NFATC1: variants seen among roughly 807,000 people sequenced by gnomAD.
NFATC1 encodes the protein nuclear factor of activated T cells 1.
In NFATC1, 22 loss-of-function variants were observed where a neutral mutation model predicts 76.0. The observed-to-expected ratio is 0.29, with a 90% CI of 0.21 to 0.41. NFATC1 has a LOEUF of 0.41. Among genes scored for constraint, NFATC1 ranks in the 10% least tolerant of loss-of-function variants. The pLI is 1.00. For synonymous variants in NFATC1, 704 were observed against 613.1 expected, an observed-to-expected ratio of 1.15 and a Z score of -2.19; for missense variants, 1,357 against 1,337.7, an observed-to-expected ratio of 1.01 and a Z score of -0.23.
chr18:79,415,227 C>T (rs1355564603), intron 2 of NFATC1, among the ~76,000 whole-genome samples: 1 of 152,216 alleles, frequency 6.6e-6, no homozygotes, highest in Non-Finnish European at 1.5e-5. Flanking sequence ...GGTATTTTGA[C>T]TGAATTTATT....
intron 6 of NFATC1, among the ~76,000 whole-genome samples, chr18:79,459,638 G>C (rs925795967): frequency 3.9e-5 from 6 of 152,200 alleles, no homozygotes; most frequent in African/African-American, 1.4e-4. Context: ...AGCTTCCTGG[G>C]CTGGGCGGGA....
chr18:79,518,500 C>CGT (rs1235591470), intron 9 of NFATC1, among the ~76,000 whole-genome samples: 2 of 152,144 alleles, frequency 1.3e-5, no homozygotes, highest in African/African-American at 4.8e-5. Flanking sequence ...CCTGGCACCC[C>CGT]CCCTCTCGCT....
rs1337874052 is a variant in NFATC1 at position 79,396,279 on chromosome 18, G to A, written c.55G>A (p.Ala19Thr). Reference protein sequence around the residue: ...PSKFPLGPAAAVFGRGETLGP... With the variant: ...PSKFPLGPAATVFGRGETLGP... ...CAAGTTTCCACTTGGCCCTGCGGCT[G>A]CGGTCTTCGGGAGAGGAGAAACTTT... The change falls in exon 1 of 10, where the codon GCG (alanine) becomes ACG (threonine). Residue 19 changes from alanine (A) to threonine (T), a missense_variant. Physicochemically the swap from Ala to Thr is moderately conservative, Grantham distance 58. Transcript: ENST00000427363. 9 of 1,473,164 alleles carry A rather than the reference G, an allele frequency of 6.1e-6. No homozygotes were observed. Among genetic ancestry groups the A allele is most frequent in the Non-Finnish European group, 6.3e-6 (7 of 1,103,046 alleles). 91.3% of individuals were successfully genotyped at this position (1,473,164 alleles called of 1,614,324 possible).
chr18:79,485,803 C>G (rs568773285), intron 8 of NFATC1, among the ~76,000 whole-genome samples: 2 of 152,250 alleles, frequency 1.3e-5, no homozygotes, highest in African/African-American at 4.8e-5. Flanking sequence ...CAGTCGTTCA[C>G]CTTTGCAGTT....
intron 6 of NFATC1, among the ~76,000 whole-genome samples, chr18:79,455,036 A>G (rs969478976): frequency 2.6e-5 from 4 of 152,216 alleles, no homozygotes; most frequent in Admixed American, 2.6e-4. Flanking sequence ...CCCGCGTGAA[A>G]CGTGAGCTCG....
At chr18:79,467,877 C>T in intron 8 of NFATC1, 1 of 1,191,430 alleles carries the variant, frequency 8.4e-7, no homozygotes, top group South Asian at 2.2e-5. Context: ...CATGGCTCTT[C>T]TGCTCCAAAA....
In NFATC1 at chr18:79,488,504, T is replaced by C. The variant is rs542260884; in HGVS notation, c.2782+1567T>C. On this transcript the variant is annotated intron_variant, in intron 9 of 9. Transcript: ENST00000427363. ...CCACTCTCTGGAGGTTCATGATGAC[T>C]GTGGGGCGGGGCCAGGACAGTGTTC... Among the ~76,000 whole-genome samples, 4 of 152,282 alleles carry C rather than the reference T, an allele frequency of 2.6e-5. No homozygotes were observed. The South Asian group carries it at 8.3e-4, about 32-fold the overall frequency.
chr18:79,443,748 C>T (rs577015993), intron 3 of NFATC1, among the ~76,000 whole-genome samples: 1 of 152,234 alleles, frequency 6.6e-6, no homozygotes, highest in Non-Finnish European at 1.5e-5. Context: ...GGTCCTGTCC[C>T]CCTAGCCCTG....
At chr18:79,436,073 A>G (rs1195317666) in intron 3 of NFATC1, among the ~76,000 whole-genome samples, 4 of 152,208 alleles carry the variant, frequency 2.6e-5, no homozygotes. Flanking sequence ...ATAAAAATAG[A>G]ATTTGTGCAT....
chr18:79,427,948 G>C (rs1486309568), intron 2 of NFATC1, among the ~76,000 whole-genome samples: 2 of 139,968 alleles, frequency 1.4e-5, no homozygotes, highest in South Asian at 4.8e-4. Flanking sequence ...CTGGACAGCT[G>C]GCCTCTGTGC....
chr18:79,446,579 A>G (rs2087215285), intron 3 of NFATC1, among the ~76,000 whole-genome samples: 1 of 152,056 alleles, frequency 6.6e-6, no homozygotes, highest in Non-Finnish European at 1.5e-5. Flanking sequence ...GTATCTCGGG[A>G]AGTTCATTAA....
At chr18:79,487,055 C>T in intron 9 of NFATC1, 118 bp downstream of exon 9, 1 of 1,220,592 alleles carries the variant, frequency 8.2e-7, no homozygotes. Context: ...AGGCACCGGG[C>T]AGGGTGTGGG....
At position 79,410,512 on chromosome 18, in the gene NFATC1, C is replaced by T. The variant is rs149452763; in HGVS notation, c.237C>T (p.Ile79=). The T allele has an allele frequency of 6.5e-4, 1,044 of 1,611,986 alleles. 11 individuals carry two copies. In the African/African-American group the frequency reaches 0.011, roughly 17 times the overall value. The change falls in exon 2 of 10, where the codon ATC becomes ATT. Residue 79 remains isoleucine, a synonymous_variant. Transcript: ENST00000427363. The surrounding 1 kb of genome is among the most constrained non-coding windows in gnomAD (Gnocchi z 6.7). ...ACCTTCAGACCTCCACACCGGGCAT[C>T]ATCCCGCCGGCGGATCACCCCTCGG... ...CHNLQTSTPG[I]IPPADHPSGY...
At chr18:79,490,311 G>C (rs1468420957) in intron 9 of NFATC1, among the ~76,000 whole-genome samples, 2 of 152,020 alleles carry the variant, frequency 1.3e-5, no homozygotes, top group African/African-American at 4.8e-5. Flanking sequence ...GGTTAGGACA[G>C]GGTGGTCCCT....
intron 9 of NFATC1, among the ~76,000 whole-genome samples, chr18:79,515,059 T>C (rs946623387): frequency 2.0e-5 from 3 of 151,356 alleles, no homozygotes; most frequent in Non-Finnish European, 4.4e-5. Flanking sequence ...AAAAATAAAA[T>C]GCAGGCCAGG....
chr18:79,400,256 G>GGGGGGCGGGGC, intron 1 of NFATC1: 6 of 1,195,698 alleles, frequency 5.0e-6, no homozygotes, highest in Non-Finnish European at 6.2e-6. Context: ...GAAACGCCCC[G>GGGGGGCGGGGC]GGGGGCGGGG....
intron 3 of NFATC1, among the ~76,000 whole-genome samples, chr18:79,444,746 C>T (rs1490092971): frequency 7.2e-6 from 1 of 139,246 alleles, no homozygotes; most frequent in Non-Finnish European, 1.5e-5. Context: ...CACACGTGCC[C>T]GACCCCACAG....
intron 9 of NFATC1, among the ~76,000 whole-genome samples, chr18:79,490,288 A>G (rs1265659732): frequency 6.6e-6 from 1 of 151,030 alleles, no homozygotes; most frequent in Non-Finnish European, 1.5e-5. Flanking sequence ...TCCCTGGTGC[A>G]GGCCCCGCTC....
Position 79,527,657 on chromosome 18 carries a change from C to G in NFATC1, c.*80C>G, listed in dbSNP as rs1272305296. ...GACTTTTGAATAAATAAACTGAACTCACACCTGGTACCACTCAGAACCTCC... is the reference window on the plus strand; with the variant it reads ...GACTTTTGAATAAATAAACTGAACTGACACCTGGTACCACTCAGAACCTCC... On this transcript the variant is annotated 3_prime_UTR_variant, in exon 10 of 10. Transcript: ENST00000427363. The G allele has an allele frequency of 3.1e-6, 4 of 1,283,120 alleles. No homozygotes were observed. The highest frequency in any genetic ancestry group is 1.2e-5 in the South Asian group (1 of 83,814). 79.5% of individuals were successfully genotyped at this position (1,283,120 alleles called of 1,614,324 possible). A position where few individuals can be genotyped will look rare whatever the true frequency, so the allele number is the denominator to read the frequency against.
Sources: gnomAD v4.1 joint callset for allele counts (sites outside exome capture counted in the v4.1 genomes callset) on GRCh38, gnomAD v4.1.1 for gene constraint, Gnocchi (gnomAD v3.1) non-coding constraint, MANE v1.5 for transcripts, NCBI Gene and HGNC (gene_info 2026-07-23, HGNC 2026-07-21) for gene names.